Variants in MED13 observed in about 807,000 individuals in gnomAD.
MED13 encodes mediator of RNA polymerase II transcription subunit 13.
Under a neutral mutation model 225.2 loss-of-function variants are expected in MED13, and 23 were observed. That is an observed-to-expected ratio of 0.10 (90% CI 0.07 to 0.14). The LOEUF (loss-of-function observed/expected upper bound fraction) is 0.14. MED13 is among the 10% of genes least tolerant of loss of function. The pLI is 1.00. For synonymous variants in MED13, 942 were observed against 889.2 expected (o/e 1.06, Z -1.06); for missense variants, 2,197 against 2,594.5 (o/e 0.85, Z 3.33).
At chr17:61,995,094 C>A in intron 10 of MED13, 58 bp downstream of exon 10, 2 of 1,103,752 alleles carry the variant, frequency 1.8e-6, no homozygotes, top group South Asian at 1.3e-5. Context: ...AAGAGTGTTA[C>A]TATATGCAGT....
chr17:62,046,720 C>T (rs1211775092), intron 3 of MED13, among the ~76,000 whole-genome samples: 4 of 152,036 alleles, frequency 2.6e-5, no homozygotes, highest in African/African-American at 9.7e-5. Context: ...ACCTGTGGTC[C>T]CAGCTACATG....
chr17:62,045,145 A>G (rs961246395), intron 3 of MED13, among the ~76,000 whole-genome samples: 4 of 152,188 alleles, frequency 2.6e-5, no homozygotes, highest in Non-Finnish European at 4.4e-5. Context: ...TCCTATACAC[A>G]ATCTCATCTG....
In MED13 at chr17:61,977,121, A is replaced by C. The variant is rs566242341; in HGVS notation, c.3806-4233T>G. Among the ~76,000 whole-genome samples the C allele has an allele frequency of 2.6e-5, 4 of 152,286 alleles. No individual in the cohort carries two copies. In the East Asian group the frequency reaches 7.7e-4, roughly 29 times the overall value. ...TCTAGGTGTTTAGATTATAGACAAA[A>C]ATCTTTGCCTTTACACAGAACTTTG... On this transcript the variant is annotated intron_variant, in intron 16 of 29. Transcript: ENST00000397786.
At chr17:62,030,132 A>T in intron 6 of MED13, 119 bp from the exon 7 acceptor site, 1 of 985,572 alleles carries the variant, frequency 1.0e-6, no homozygotes, top group Non-Finnish European at 1.4e-6. Flanking sequence ...AAAATTATTT[A>T]TATTTTGAGA....
intron 9 of MED13, 72 bp from the exon 10 acceptor site, chr17:61,995,437 CATA>C (rs1269466753): frequency 1.8e-5 from 19 of 1,052,556 alleles, no homozygotes; most frequent in East Asian, 2.6e-5. Context: ...CGTTAAGTAT[CATA>C]ATGTTTTTAG....
intron 16 of MED13, among the ~76,000 whole-genome samples, chr17:61,981,218 C>T (rs1170189930): frequency 6.6e-6 from 1 of 152,032 alleles, no homozygotes; most frequent in Non-Finnish European, 1.5e-5. Context: ...GACGGGATTT[C>T]ACTATGTTGG....
chr17:62,064,760 T>C lies in MED13; in HGVS notation c.66+380A>G, dbSNP rs141425128. On this transcript the variant is annotated intron_variant, in intron 1 of 29. Transcript: ENST00000397786. ...TTAAAAGGGTAAGACATAAAGGCGG[T>C]GGGGAGCAGGGGCAATAATGTAAAG... 1.8e-4 allele frequency among the ~76,000 whole-genome samples: 27 copies of C among 151,938 alleles called. No individual in the cohort carries two copies. The East Asian group carries it at 3.9e-3, about 22-fold the overall frequency.
chr17:62,033,884 G>A lies in MED13; in HGVS notation c.717C>T (p.Phe239=). 6.2e-7 allele frequency: 1 copy of A among 1,613,998 alleles called. No homozygotes were observed. The highest frequency in any genetic ancestry group is 8.5e-7 in the Non-Finnish European group (1 of 1,179,962). Residue 239 remains phenylalanine, a synonymous_variant, in exon 5 of 30, where the codon TTC becomes TTT. Coordinates refer to ENST00000397786, the MANE Select transcript of MED13 (RefSeq NM_005121.3). The stretch of plus-strand genomic sequence containing the variant: ...CCTTCAAGCAACATGAGATAGGATA[G>A]AACTGTTTCCATTCACCAATTAATT... ...TKKLIGEWKQ[F]YPISCCLKEM...
intron 17 of MED13, among the ~76,000 whole-genome samples, chr17:61,971,368 C>A (rs1426410325): frequency 6.7e-6 from 1 of 149,464 alleles, no homozygotes; most frequent in Non-Finnish European, 1.5e-5. Flanking sequence ...CCTCGGCTGG[C>A]GGCAACCTGC....
At chr17:62,029,699 T>C (rs972824319) in intron 7 of MED13, 48 bp from the exon 8 acceptor site, 4 of 1,567,210 alleles carry the variant, frequency 2.6e-6, no homozygotes, top group African/African-American at 1.4e-5. Flanking sequence ...AAATTTTCTA[T>C]CAAACCTCAA....
At chr17:62,018,715 C>T (rs1464173372) in intron 8 of MED13, among the ~76,000 whole-genome samples, 1 of 124,816 alleles carries the variant, frequency 8.0e-6, no homozygotes, top group Non-Finnish European at 1.8e-5. Context: ...GACCCTATCT[C>T]AAAAAAAAAA....
intron 8 of MED13, among the ~76,000 whole-genome samples, chr17:62,015,743 T>TTA (rs1054906639): frequency 9.4e-4 from 133 of 142,194 alleles, no homozygotes; most frequent in East Asian, 3.7e-3. Flanking sequence ...CAGTCTAATT[T>TTA]TATATATATA....
intron 16 of MED13, among the ~76,000 whole-genome samples, chr17:61,974,431 CA>C (rs1298411730): frequency 2.6e-5 from 4 of 151,794 alleles, no homozygotes; most frequent in Non-Finnish European, 5.9e-5. Flanking sequence ...AAGATGATCA[CA>C]AAAAAATACC....
chr17:62,028,876 G>A (rs1374733399), intron 8 of MED13, among the ~76,000 whole-genome samples: 2 of 151,970 alleles, frequency 1.3e-5, no homozygotes, highest in African/African-American at 2.4e-5. Context: ...GATTACTGTA[G>A]GCCAGATATG....
intron 28 of MED13, among the ~76,000 whole-genome samples, chr17:61,948,804 C>T (rs983391672): frequency 4.6e-5 from 7 of 150,868 alleles, no homozygotes; most frequent in South Asian, 2.1e-4. Context: ...AAGTGAGTCA[C>T]GGCCGGGCGC....
intron 15 of MED13, among the ~76,000 whole-genome samples, chr17:61,983,730 C>A (rs1468125129): frequency 1.4e-5 from 2 of 142,348 alleles, no homozygotes; most frequent in East Asian, 5.6e-4. Flanking sequence ...ACCCAATTAA[C>A]CTTTTTTTTT....
chr17:62,007,697 A>G (rs984894182), intron 9 of MED13, among the ~76,000 whole-genome samples: 4 of 151,374 alleles, frequency 2.6e-5, no homozygotes, highest in African/African-American at 7.3e-5. Context: ...AAATACAAAA[A>G]ATTAGCCGGG....
In MED13 at chr17:61,992,588, A is replaced by G. The variant is rs763035252; in HGVS notation, c.2215T>C (p.Ser739Pro). ...EDGTSSVTVL[S>P]HEEDAMSLFS... ...AATGACATAGCATCTTCTTCATGTGATAACACTGTTACACTAGATGTCCCA... is the reference window on the plus strand; with the variant it reads ...AATGACATAGCATCTTCTTCATGTGGTAACACTGTTACACTAGATGTCCCA... The change falls in exon 11 of 30, where the codon TCA becomes CCA. Residue 739 changes from serine (S) to proline (P), a missense_variant. Ser to Pro is a moderately conservative substitution (Grantham distance 74). This residue lies in a region of MED13 where 884 missense variants were observed against 918.5 expected (regional missense o/e 0.96). Transcript: ENST00000397786. The G allele has an allele frequency of 6.8e-6, 11 of 1,611,974 alleles. No homozygotes were observed. The highest frequency in any genetic ancestry group is 2.2e-5 in the South Asian group (2 of 90,972).
At chr17:62,006,132 G>A (rs932861771) in intron 9 of MED13, 3 of 151,986 alleles carry the variant, frequency 2.0e-5, no homozygotes, top group Admixed American at 2.0e-4. Context: ...TGCAAAAGAA[G>A]GGATTATAGC....
Sources: allele counts gnomAD v4.1 joint callset (sites outside exome capture counted in the v4.1 genomes callset), GRCh38; gene constraint gnomAD v4.1.1; regional missense constraint gnomAD v4.1.1; transcripts MANE v1.5; gene names NCBI Gene and HGNC (gene_info 2026-07-23, HGNC 2026-07-21).